Variants in ARHGAP24 observed in about 807,000 individuals in gnomAD.
The protein encoded by ARHGAP24 is Rho GTPase activating protein 24.
In ARHGAP24, 50 loss-of-function variants were observed where a neutral mutation model predicts 76.4. That is an observed-to-expected ratio of 0.65 (90% CI 0.52 to 0.83). The LOEUF is 0.83. Among genes scored for constraint, ARHGAP24 ranks in the 40% least tolerant of loss-of-function variants. The pLI is 0.00. For missense variants in ARHGAP24, 930 were observed against 914.2 expected, an observed-to-expected ratio of 1.02 and a Z score of -0.22; for synonymous variants, 345 against 323.3, an observed-to-expected ratio of 1.07 and a Z score of -0.72.
At chr4:85,531,881 A>ATATAAT in intron 1 of ARHGAP24, among the ~76,000 whole-genome samples, 2 of 152,204 alleles carry the variant, frequency 1.3e-5, no homozygotes, top group South Asian at 4.1e-4. Flanking sequence ...TATATCAATG[A>ATATAAT]TCAATTCCCA....
At chr4:85,638,832 T>G (rs771027927) in intron 2 of ARHGAP24, among the ~76,000 whole-genome samples, 1 of 152,204 alleles carries the variant, frequency 6.6e-6, no homozygotes, top group Non-Finnish European at 1.5e-5. Context: ...CTTAAGGAGA[T>G]GCTAGTGAGC....
intron 2 of ARHGAP24, among the ~76,000 whole-genome samples, chr4:85,587,169 A>T (rs1727894827): frequency 1.3e-5 from 2 of 152,198 alleles, no homozygotes; most frequent in South Asian, 4.1e-4. Context: ...TTGTGTTATT[A>T]ATAGTCATGT....
chr4:85,746,856 T>C (rs757724219), intron 3 of ARHGAP24, among the ~76,000 whole-genome samples: 36 of 152,106 alleles, frequency 2.4e-4, no homozygotes, highest in Non-Finnish European at 5.0e-4. Context: ...GGTTTCACTA[T>C]GTTGGGCAGG....
At chr4:85,644,067 C>T (rs1377832590) in intron 2 of ARHGAP24, among the ~76,000 whole-genome samples, 3 of 152,094 alleles carry the variant, frequency 2.0e-5, no homozygotes, top group Non-Finnish European at 2.9e-5. Context: ...GGCTCTGGAG[C>T]CATTGTTCTT....
chr4:85,683,103 A>AGT (rs796250011), intron 2 of ARHGAP24, among the ~76,000 whole-genome samples: 17 of 16,110 alleles, frequency 1.1e-3, no homozygotes, highest in African/African-American at 3.6e-3. Context: ...TAACTCTCTC[A>AGT]GTGTGTGGGG....
At position 85,845,059 on chromosome 4, in the gene ARHGAP24, C is replaced by T. The variant is rs531193167; in HGVS notation, c.269-78589C>T. 3.9e-5 allele frequency among the ~76,000 whole-genome samples: 6 copies of T among 152,290 alleles called. No homozygotes were observed. The East Asian group carries it at 1.2e-3, about 29-fold the overall frequency. On this transcript the variant is annotated intron_variant, in intron 3 of 9. Coordinates refer to ENST00000395184, the MANE Select transcript of ARHGAP24 (RefSeq NM_001025616.3). ...TTTTTTAATACTTTGTAGGATGTGTCACTTCAACTTTAACCTTGAAGCAAT... is the reference window on the plus strand; with the variant it reads ...TTTTTTAATACTTTGTAGGATGTGTTACTTCAACTTTAACCTTGAAGCAAT...
intron 3 of ARHGAP24, among the ~76,000 whole-genome samples, chr4:85,728,665 A>G (rs969324730): frequency 5.9e-5 from 9 of 152,292 alleles, no homozygotes; most frequent in African/African-American, 1.9e-4. Flanking sequence ...TAAAACTTCA[A>G]CCTACTTAGA....
intron 3 of ARHGAP24, among the ~76,000 whole-genome samples, chr4:85,805,245 T>C (rs1202062405): frequency 6.6e-6 from 1 of 152,122 alleles, no homozygotes; most frequent in Non-Finnish European, 1.5e-5. Context: ...TCTCACTGTT[T>C]CCCGCCTCCC....
intron 7 of ARHGAP24, 105 bp downstream of exon 7, chr4:85,975,066 A>G: frequency 1.0e-6 from 1 of 979,410 alleles, no homozygotes; most frequent in Non-Finnish European, 1.6e-6. Flanking sequence ...TTCGAGCCCT[A>G]GTGTTGGCCT....
chr4:85,976,570 A>C (rs1739339314), intron 7 of ARHGAP24, among the ~76,000 whole-genome samples: 2 of 152,200 alleles, frequency 1.3e-5, no homozygotes, highest in Non-Finnish European at 2.9e-5. Flanking sequence ...TTATCTCATC[A>C]GTACAATTAG....
At chr4:85,518,740 C>T (rs530609882) in intron 1 of ARHGAP24, among the ~76,000 whole-genome samples, 1 of 152,180 alleles carries the variant, frequency 6.6e-6, no homozygotes, top group South Asian at 2.1e-4. Flanking sequence ...TCTATATTTA[C>T]CACAGTTTCT....
At chr4:85,989,110 T>A (rs1560768857) in intron 8 of ARHGAP24, among the ~76,000 whole-genome samples, 1 of 151,546 alleles carries the variant, frequency 6.6e-6, no homozygotes, top group Non-Finnish European at 1.5e-5. Context: ...AACCAAGAGC[T>A]GGTTTGTTAA....
chr4:85,750,637 A>G (rs762111096), intron 3 of ARHGAP24, among the ~76,000 whole-genome samples: 2 of 151,850 alleles, frequency 1.3e-5, no homozygotes, highest in African/African-American at 2.4e-5. Flanking sequence ...CTGGGATTAC[A>G]GGTACGCACC....
intron 1 of ARHGAP24, among the ~76,000 whole-genome samples, chr4:85,487,854 AT>A (rs1343008159): frequency 1.6e-5 from 2 of 123,170 alleles, no homozygotes; most frequent in South Asian, 4.4e-4. Flanking sequence ...ATATATATTT[AT>A]TATATATATT....
At position 85,783,415 on chromosome 4, in the gene ARHGAP24, G is replaced by T. The variant is rs561146206; in HGVS notation, c.268+61443G>T. On this transcript the variant is annotated intron_variant, in intron 3 of 9. Transcript: ENST00000395184. Reference sequence around the variant, plus strand: ...TAAGCATTCTTTTACATATGACTTTGCTCATTTGATTATTTCAGAACTGAA... The same window carrying T: ...TAAGCATTCTTTTACATATGACTTTTCTCATTTGATTATTTCAGAACTGAA... Among the ~76,000 whole-genome samples the T allele has an allele frequency of 2.5e-4, 38 of 151,866 alleles. No individual in the cohort carries two copies. The South Asian group carries it at 6.4e-3, about 26-fold the overall frequency.
intron 1 of ARHGAP24, among the ~76,000 whole-genome samples, chr4:85,522,948 T>C (rs1271214904): frequency 6.6e-6 from 1 of 152,222 alleles, no homozygotes; most frequent in Admixed American, 6.5e-5. Context: ...AATTCCTTTT[T>C]GTCTGATGTG....
chr4:85,919,034 C>T lies in ARHGAP24; in HGVS notation c.269-4614C>T, dbSNP rs541641904. On this transcript the variant is annotated intron_variant, in intron 3 of 9. Coordinates refer to ENST00000395184, the MANE Select transcript of ARHGAP24 (RefSeq NM_001025616.3). ...AGAAAGTAGAATGTGTACTTGTTCA[C>T]GTAACATGAATATAATGTGATATAA... is the stretch of plus-strand genomic sequence containing the variant. 7.9e-5 allele frequency among the ~76,000 whole-genome samples: 12 copies of T among 152,162 alleles called. No homozygotes were observed. In the South Asian group the frequency reaches 1.9e-3, roughly 24 times the overall value.
intron 3 of ARHGAP24, among the ~76,000 whole-genome samples, chr4:85,898,134 A>G (rs1009720572): frequency 6.6e-6 from 1 of 151,020 alleles, no homozygotes; most frequent in African/African-American, 2.4e-5. Flanking sequence ...AATTGTCTCC[A>G]AAAGTACTGA....
At chr4:85,789,597 G>C (rs1728025258) in intron 3 of ARHGAP24, among the ~76,000 whole-genome samples, 1 of 152,138 alleles carries the variant, frequency 6.6e-6, no homozygotes, top group African/African-American at 2.4e-5. Flanking sequence ...CCAAGTGGTA[G>C]TACAGAAAAG....
Sources: gnomAD v4.1 joint callset for allele counts (sites outside exome capture counted in the v4.1 genomes callset) on GRCh38, gnomAD v4.1.1 for gene constraint, MANE v1.5 for transcripts, NCBI Gene and HGNC (gene_info 2026-07-23, HGNC 2026-07-21) for gene names.